The following METTL25 variants were observed in gnomAD, a reference collection of about 807,000 sequenced individuals.
METTL25 encodes probable methyltransferase-like protein 25.
METTL25 carries 64 observed loss-of-function variants against 71.6 expected under a neutral mutation model. That is an observed-to-expected ratio of 0.89 (90% CI 0.73 to 1.10). METTL25 has a LOEUF of 1.10. Ranked by LOEUF, METTL25 falls within the 50% of genes least tolerant of loss-of-function variation. The pLI, the probability that METTL25 is intolerant of heterozygous loss-of-function variation, is 0.00. For synonymous variants in METTL25, 287 were observed against 250.3 expected (o/e 1.15, Z -1.38); for missense variants, 807 against 707.0 (o/e 1.14, Z -1.60).
chr12:82,423,033 T>C (rs1888664082), intron 5 of METTL25, among the ~76,000 whole-genome samples: 1 of 152,124 alleles, frequency 6.6e-6, no homozygotes, highest in Non-Finnish European at 1.5e-5. Flanking sequence ...CTCCACGGAA[T>C]TGGAAAAAAC....
chr12:82,445,742 G>A (rs1407904683), intron 8 of METTL25, among the ~76,000 whole-genome samples: 1 of 152,154 alleles, frequency 6.6e-6, no homozygotes, highest in Non-Finnish European at 1.5e-5. Flanking sequence ...ATAGATTGAG[G>A]TCTGCAGCTG....
intron 1 of METTL25, chr12:82,369,312 GT>G: frequency 3.5e-6 from 1 of 289,352 alleles, no homozygotes; most frequent in Non-Finnish European, 6.9e-6. Flanking sequence ...GTGTCCTGGT[GT>G]GTAGGATATA....
chr12:82,438,170 TTATCC>T (rs1394337346), intron 7 of METTL25, among the ~76,000 whole-genome samples: 4 of 151,714 alleles, frequency 2.6e-5, no homozygotes, highest in Non-Finnish European at 5.9e-5. Context: ...GTGCAATCTC[TTATCC>T]TATGTTCTTT....
At chr12:82,426,550 G>C (rs1186792654) in intron 5 of METTL25, among the ~76,000 whole-genome samples, 1 of 152,000 alleles carries the variant, frequency 6.6e-6, no homozygotes, top group Non-Finnish European at 1.5e-5. Context: ...CACAGGTTGA[G>C]TACCCTCTGT....
chr12:82,362,150 ATCT>A (rs1292169608), intron 1 of METTL25, among the ~76,000 whole-genome samples: 1 of 152,200 alleles, frequency 6.6e-6, no homozygotes, highest in Non-Finnish European at 1.5e-5. Context: ...GTGCCAGGTG[ATCT>A]TCTTGTCTCA....
chr12:82,380,699 G>C lies in METTL25; in HGVS notation c.260-6104G>C, dbSNP rs78730039. On this transcript the variant is annotated intron_variant, in intron 1 of 11. Coordinates refer to ENST00000248306, the MANE Select transcript of METTL25 (RefSeq NM_032230.3). Reference sequence around the variant, plus strand: ...ATTCATTGAGTACCTTCTATGTGCTGTACATTATTCTAGGTTCTGAGGATA... The same window carrying C: ...ATTCATTGAGTACCTTCTATGTGCTCTACATTATTCTAGGTTCTGAGGATA... 1.4e-4 allele frequency among the ~76,000 whole-genome samples: 21 copies of C among 152,264 alleles called. No individual in the cohort carries two copies. In the East Asian group the frequency reaches 3.9e-3, roughly 28 times the overall value.
At chr12:82,419,712 G>T (rs1166955556) in intron 5 of METTL25, among the ~76,000 whole-genome samples, 2 of 134,254 alleles carry the variant, frequency 1.5e-5, no homozygotes, top group Non-Finnish European at 3.2e-5. Context: ...AAAGCCACAG[G>T]ACAACAAATC....
chr12:82,399,435 C>T (rs752666077), intron 4 of METTL25, 41 bp downstream of exon 4: 1 of 1,426,716 alleles, frequency 7.0e-7, no homozygotes, highest in Admixed American at 2.3e-5. Context: ...TTTACAAAAA[C>T]ATTGTATTCA....
At chr12:82,398,415 C>T (rs1199562928) in intron 3 of METTL25, among the ~76,000 whole-genome samples, 2 of 151,820 alleles carry the variant, frequency 1.3e-5, no homozygotes, top group Non-Finnish European at 2.9e-5. Context: ...TATATATGTT[C>T]TGATGATTCG....
At chr12:82,478,844 T>C in intron 11 of METTL25, 88 bp from the exon 12 acceptor site, 1 of 1,001,706 alleles carries the variant, frequency 1.0e-6, no homozygotes, top group Non-Finnish European at 1.5e-6. Context: ...TTTTATGTAT[T>C]TTTTATATTA....
intron 8 of METTL25, among the ~76,000 whole-genome samples, chr12:82,447,491 A>C (rs1208254205): frequency 6.6e-6 from 1 of 152,128 alleles, no homozygotes; most frequent in Non-Finnish European, 1.5e-5. Flanking sequence ...TCTCAGAAAA[A>C]CTCCTATAAA....
At chr12:82,422,452 A>G (rs1888606569) in intron 5 of METTL25, among the ~76,000 whole-genome samples, 1 of 152,180 alleles carries the variant, frequency 6.6e-6, no homozygotes, top group African/African-American at 2.4e-5. Flanking sequence ...CTGAATGGGC[A>G]AAAACTGGAA....
intron 5 of METTL25, among the ~76,000 whole-genome samples, chr12:82,411,619 C>T (rs1887562830): frequency 6.6e-6 from 1 of 152,048 alleles, no homozygotes; most frequent in Admixed American, 6.6e-5. Flanking sequence ...TTTGATGAGA[C>T]ATCTCCAGAA....
rs376700050 is a variant in METTL25, at chr12:82,470,007, A to G, written c.1573-6637A>G. ...ATCATTGCAGAGTTCCCTCTCCAAC[A>G]TGAACGCTTTAGAATTGTATGTTCT... On this transcript the variant is annotated intron_variant, in intron 9 of 11. Coordinates refer to ENST00000248306, the MANE Select transcript of METTL25 (RefSeq NM_032230.3). Among the ~76,000 whole-genome samples the G allele has an allele frequency of 1.1e-3, 161 of 152,298 alleles. 2 individuals are homozygous for G. The highest frequency in any genetic ancestry group is 3.6e-3 in the African/African-American group (150 of 41,574).
chr12:82,406,545 T>C (rs1195360418), intron 5 of METTL25, among the ~76,000 whole-genome samples: 1 of 152,140 alleles, frequency 6.6e-6, no homozygotes, highest in Admixed American at 6.6e-5. Flanking sequence ...TATATTGTAT[T>C]TTATTTATTC....
intron 8 of METTL25, among the ~76,000 whole-genome samples, chr12:82,440,135 A>T (rs1420057423): frequency 6.6e-6 from 1 of 151,718 alleles, no homozygotes; most frequent in African/African-American, 2.4e-5. Flanking sequence ...TTCTACTCTG[A>T]GCACTCATAT....
intron 5 of METTL25, among the ~76,000 whole-genome samples, chr12:82,416,206 T>G (rs939369248): frequency 2.0e-5 from 3 of 152,128 alleles, no homozygotes; most frequent in African/African-American, 7.2e-5. Context: ...GTATCTCCTT[T>G]ACAATTTGAA....
chr12:82,363,991 A>G (rs529344493), intron 1 of METTL25, among the ~76,000 whole-genome samples: 1 of 152,364 alleles, frequency 6.6e-6, no homozygotes, highest in East Asian at 1.9e-4. Flanking sequence ...GGAATATTTA[A>G]TTATAGTACC....
chr12:82,425,517 G>A (rs1442775227), intron 5 of METTL25, among the ~76,000 whole-genome samples: 1 of 151,990 alleles, frequency 6.6e-6, no homozygotes, highest in South Asian at 2.1e-4. Flanking sequence ...TAATGAATGA[G>A]GTATCAAGAG....
Sources: gnomAD v4.1 joint callset for allele counts (sites outside exome capture counted in the v4.1 genomes callset) on GRCh38, gnomAD v4.1.1 for gene constraint, MANE v1.5 for transcripts, NCBI Gene and HGNC (gene_info 2026-07-23, HGNC 2026-07-21) for gene names.